VAV3: variants seen among roughly 807,000 people sequenced by gnomAD.
VAV3 encodes the protein guanine nucleotide exchange factor VAV3.
Under a neutral mutation model 131.2 loss-of-function variants are expected in VAV3, and 94 were observed. The ratio of observed to expected loss-of-function variants is 0.72; its 90% confidence interval spans 0.61 to 0.85. The LOEUF (loss-of-function observed/expected upper bound fraction) is 0.85, where lower values mean the gene tolerates loss of function less well. Among genes scored for constraint, VAV3 ranks in the 40% least tolerant of loss-of-function variants. The pLI is 0.00. For synonymous variants in VAV3, 349 were observed against 342.0 expected, an observed-to-expected ratio of 1.02 and a Z score of -0.22; for missense variants, 939 against 1,002.7, an observed-to-expected ratio of 0.94 and a Z score of 0.86.
intron 1 of VAV3, among the ~76,000 whole-genome samples, chr1:107,934,429 C>T (rs1468387270): frequency 6.6e-6 from 1 of 152,162 alleles, no homozygotes; most frequent in Admixed American, 6.5e-5. Context: ...AGAAACAGAA[C>T]AAAACAGGCT....
In VAV3 at chr1:107,642,673, C is replaced by G; in HGVS notation, c.1860G>C (p.Gln620His). 3.1e-6 allele frequency: 5 copies of G among 1,613,406 alleles called. No homozygotes were observed. Among genetic ancestry groups the G allele is most frequent in the Non-Finnish European group, 4.2e-6 (5 of 1,179,652 alleles). Residue 620 changes from glutamine to histidine, a missense_variant, in exon 20 of 27, where the codon CAG (glutamine) becomes CAC (histidine). By Grantham distance (24) the Gln-to-His change is conservative (BLOSUM62 0). Transcript: ENST00000370056. ...TCAGAAGTTCAACGGTATCCCCGGC[C>G]TGGAGCTGTAAAGGGGGTCCTTCAT... ...ALHEGPPLQLQAGDTVELLKG... is the reference protein window; with the variant it reads ...ALHEGPPLQLHAGDTVELLKG...
At chr1:107,757,870 T>A (rs1005702367) in intron 10 of VAV3, among the ~76,000 whole-genome samples, 2 of 152,162 alleles carry the variant, frequency 1.3e-5, no homozygotes, top group African/African-American at 2.4e-5. Flanking sequence ...TTCCCCTGAT[T>A]TTACATACTC....
chr1:107,644,381 C>T (rs1451611858), intron 19 of VAV3, among the ~76,000 whole-genome samples: 1 of 152,064 alleles, frequency 6.6e-6, no homozygotes, highest in Admixed American at 6.6e-5. Flanking sequence ...TGCAGTTCAC[C>T]TCCTTTTTAT....
intron 2 of VAV3, among the ~76,000 whole-genome samples, chr1:107,868,372 C>T (rs1571068095): frequency 6.6e-6 from 1 of 152,080 alleles, no homozygotes; most frequent in East Asian, 1.9e-4. Flanking sequence ...CTCTTTCAAG[C>T]CATGCCAAGG....
intron 20 of VAV3, among the ~76,000 whole-genome samples, chr1:107,629,416 CAT>C (rs930491037): frequency 2.0e-5 from 3 of 152,164 alleles, no homozygotes; most frequent in Non-Finnish European, 4.4e-5. Context: ...TTTTTTATCA[CAT>C]ATTGCAACAA....
intron 2 of VAV3, among the ~76,000 whole-genome samples, chr1:107,791,849 C>A (rs948175365): frequency 2.0e-5 from 3 of 152,156 alleles, no homozygotes; most frequent in African/African-American, 4.8e-5. Context: ...ATTATATAAT[C>A]TCACAAAACC....
At chr1:107,578,618 C>CTTTCTTTCT (rs1367333925) in intron 25 of VAV3, 1 of 193,422 alleles carries the variant, frequency 5.2e-6, no homozygotes, top group African/African-American at 2.4e-5. Context: ...TTCTTTCTTT[C>CTTTCTTTCT]TTTTTTTTGA....
intron 1 of VAV3, among the ~76,000 whole-genome samples, chr1:107,908,503 AGAT>A (rs1457572420): frequency 6.6e-6 from 1 of 152,142 alleles, no homozygotes; most frequent in African/African-American, 2.4e-5. Flanking sequence ...CTAGTATGTG[AGAT>A]GATAAGTGAC....
chr1:107,603,712 AT>A (rs573095493), intron 22 of VAV3, among the ~76,000 whole-genome samples: 27 of 147,562 alleles, frequency 1.8e-4, no homozygotes, highest in East Asian at 5.9e-4. Flanking sequence ...TAAAAGGTAG[AT>A]TTTTTTTTTT....
chr1:107,635,402 T>C (rs1328894394), intron 20 of VAV3, among the ~76,000 whole-genome samples: 1 of 134,942 alleles, frequency 7.4e-6, no homozygotes, highest in Non-Finnish European at 1.5e-5. Context: ...TTCTCACTCA[T>C]AGGTGGGAAT....
chr1:107,759,365 T>C (rs923691995), intron 10 of VAV3, among the ~76,000 whole-genome samples: 7 of 152,334 alleles, frequency 4.6e-5, no homozygotes, highest in African/African-American at 1.7e-4. Context: ...AGTCATGTTA[T>C]TAAAGTTCCC....
At chr1:107,882,566 A>G (rs1670834228) in intron 1 of VAV3, among the ~76,000 whole-genome samples, 1 of 152,100 alleles carries the variant, frequency 6.6e-6, no homozygotes, top group African/African-American at 2.4e-5. Flanking sequence ...GAAGAGGTGT[A>G]AGGAATATAA....
chr1:107,638,974 C>T (rs10881475), intron 20 of VAV3, among the ~76,000 whole-genome samples: 111,975 of 151,708 alleles, frequency 0.74, 41,977 homozygotes, highest in Non-Finnish European at 0.81. Flanking sequence ...TATATATATA[C>T]ACACACATAT....
intron 2 of VAV3, among the ~76,000 whole-genome samples, chr1:107,850,884 G>A (rs545061525): frequency 3.3e-5 from 5 of 151,412 alleles, no homozygotes; most frequent in Non-Finnish European, 5.9e-5. Flanking sequence ...ATTTCCTTTC[G>A]TATGGCTGCA....
chr1:107,828,677 C>T (rs564166416), intron 2 of VAV3, among the ~76,000 whole-genome samples: 1 of 152,238 alleles, frequency 6.6e-6, no homozygotes, highest in South Asian at 2.1e-4. Context: ...CATCTCTCTC[C>T]AAGCCAGTTG....
chr1:107,903,662 TA>T (rs61419143), intron 1 of VAV3, among the ~76,000 whole-genome samples: 4,578 of 152,208 alleles, frequency 0.03, 231 homozygotes, highest in African/African-American at 0.1. Flanking sequence ...GGATTTTCAC[TA>T]AAAACTAACA....
At chr1:107,650,821 T>C (rs1309188834) in intron 19 of VAV3, among the ~76,000 whole-genome samples, 1 of 151,316 alleles carries the variant, frequency 6.6e-6, no homozygotes, top group African/African-American at 2.4e-5. Context: ...TTTGGTTTTT[T>C]GTCCTGGCGA....
At chr1:107,712,793 T>A (rs770635761) in intron 15 of VAV3, among the ~76,000 whole-genome samples, 5 of 152,160 alleles carry the variant, frequency 3.3e-5, no homozygotes, top group Admixed American at 6.5e-5. Context: ...AGAAGAACAT[T>A]TAAATAATTC....
At chr1:107,596,387 T>C in intron 24 of VAV3, 46 bp from the exon 25 acceptor site, 2 of 1,600,240 alleles carry the variant, frequency 1.2e-6, no homozygotes, top group Non-Finnish European at 1.7e-6. Context: ...GATACTTTTG[T>C]TCTCAAACAC....
Sources: gnomAD v4.1 joint callset for allele counts (sites outside exome capture counted in the v4.1 genomes callset) on GRCh38, gnomAD v4.1.1 for gene constraint, MANE v1.5 for transcripts, NCBI Gene and HGNC (gene_info 2026-07-23, HGNC 2026-07-21) for gene names.